SCHIP1: variants seen among roughly 807,000 people sequenced by gnomAD.
SCHIP1 encodes the protein schwannomin interacting protein 1.
In SCHIP1, 8 loss-of-function variants were observed where a neutral mutation model predicts 29.7. The observed-to-expected ratio is 0.27, with a 90% CI of 0.16 to 0.49. The LOEUF (loss-of-function observed/expected upper bound fraction) is 0.49. Ranked by LOEUF, SCHIP1 falls within the 20% of genes least tolerant of loss-of-function variation. The probability of loss-of-function intolerance (pLI) is 0.99; values close to 1 mark genes in which losing one functional copy is unlikely to be tolerated. For missense variants in SCHIP1, 193 were observed against 294.6 expected, an observed-to-expected ratio of 0.66 and a Z score of 2.52; for synonymous variants, 76 against 94.9, an observed-to-expected ratio of 0.80 and a Z score of 1.16.
chr3:159,623,500 C>T, the SCHIP1 span, among the ~76,000 whole-genome samples: 3 of 152,232 alleles, frequency 2.0e-5, no homozygotes, highest in South Asian at 4.2e-4. Context: ...GTGGCGCATG[C>T]CTGTAATCCC....
At chr3:159,712,856 G>A in the SCHIP1 span, among the ~76,000 whole-genome samples, 7 of 151,010 alleles carry the variant, frequency 4.6e-5, no homozygotes, top group Non-Finnish European at 1.0e-4. Context: ...AAGAGAGAGA[G>A]AAAGAGAGAG....
the SCHIP1 span, among the ~76,000 whole-genome samples, chr3:159,667,953 G>A: frequency 2.0e-5 from 3 of 152,114 alleles, no homozygotes; most frequent in African/African-American, 2.4e-5. Flanking sequence ...ATTGCTTTAA[G>A]GAAAAAGTTG....
At chr3:159,509,561 C>T in the SCHIP1 span, among the ~76,000 whole-genome samples, 3 of 152,130 alleles carry the variant, frequency 2.0e-5, no homozygotes, top group Admixed American at 6.5e-5. Flanking sequence ...TCTTCCTAGC[C>T]TTGATGGTCT....
At chr3:159,639,016 T>C in the SCHIP1 span, among the ~76,000 whole-genome samples, 3 of 152,154 alleles carry the variant, frequency 2.0e-5, no homozygotes, top group East Asian at 3.8e-4. Context: ...ACATAATTTA[T>C]CTATTCTTCT....
the SCHIP1 span, among the ~76,000 whole-genome samples, chr3:159,573,226 G>A: frequency 6.6e-6 from 1 of 152,100 alleles, no homozygotes; most frequent in Non-Finnish European, 1.5e-5. Context: ...TTACAATTTG[G>A]CATGTTTTTG....
chr3:159,678,718 TA>T, the SCHIP1 span, among the ~76,000 whole-genome samples: 1 of 152,206 alleles, frequency 6.6e-6, no homozygotes, highest in Non-Finnish European at 1.5e-5. Flanking sequence ...CTGAGTAATT[TA>T]TAAAGGAAAG....
Position 159,883,809 on chromosome 3 carries a change from G to A in SCHIP1, c.150-2398G>A, listed in dbSNP as rs78272376. ...GGCGATTTTCTGAATTTCTACCTGC[G>A]GCGTTTTTTGATTTTACGCAGACTA... On this transcript the variant is annotated intron_variant, in intron 2 of 6. Transcript: ENST00000445224. 6.5e-3 allele frequency among the ~76,000 whole-genome samples: 994 copies of A among 151,998 alleles called. 12 individuals are homozygous for A. Among genetic ancestry groups the A allele is most frequent in the African/African-American group, 0.023 (950 of 41,428 alleles).
At chr3:159,531,667 C>T in the SCHIP1 span, among the ~76,000 whole-genome samples, 682 of 152,298 alleles carry the variant, frequency 4.5e-3, 4 homozygotes, top group African/African-American at 0.016. Context: ...AAGTCATGCC[C>T]TGAGCTTAAG....
At chr3:159,582,026 T>A in the SCHIP1 span, among the ~76,000 whole-genome samples, 1 of 152,196 alleles carries the variant, frequency 6.6e-6, no homozygotes, top group Non-Finnish European at 1.5e-5. Context: ...GAGTTATATT[T>A]ACATAATACT....
At chr3:159,484,171 T>C in the SCHIP1 span, among the ~76,000 whole-genome samples, 1 of 152,208 alleles carries the variant, frequency 6.6e-6, no homozygotes, top group Non-Finnish European at 1.5e-5. Flanking sequence ...TTGAAAATTA[T>C]GAACATGCAT....
chr3:159,789,132 C>CAG, the SCHIP1 span, among the ~76,000 whole-genome samples: 12 of 150,550 alleles, frequency 8.0e-5, no homozygotes, highest in Middle Eastern at 3.4e-3. Context: ...TCTATATATA[C>CAG]AGAGAGAGAG....
At chr3:159,298,509 T>C in the SCHIP1 span, among the ~76,000 whole-genome samples, 1 of 152,244 alleles carries the variant, frequency 6.6e-6, no homozygotes, top group Non-Finnish European at 1.5e-5. Context: ...TTTCTTCACA[T>C]TACCAAACTT....
chr3:159,665,572 G>A, the SCHIP1 span, among the ~76,000 whole-genome samples: 1 of 151,276 alleles, frequency 6.6e-6, no homozygotes, highest in Non-Finnish European at 1.5e-5. Flanking sequence ...GTGTGTGTGT[G>A]TTTAAGGCCA....
the SCHIP1 span, among the ~76,000 whole-genome samples, chr3:159,523,014 C>G: frequency 6.6e-6 from 1 of 152,052 alleles, no homozygotes; most frequent in South Asian, 2.1e-4. Context: ...TTCCATATAC[C>G]CATTATCTGG....
the SCHIP1 span, among the ~76,000 whole-genome samples, chr3:159,323,749 A>G: frequency 1.3e-5 from 2 of 152,248 alleles, no homozygotes; most frequent in African/African-American, 4.8e-5. Flanking sequence ...TTGGCAGAGT[A>G]TCAAAGGCTG....
the SCHIP1 span, among the ~76,000 whole-genome samples, chr3:159,398,183 C>T: frequency 6.6e-6 from 1 of 152,204 alleles, no homozygotes; most frequent in Admixed American, 6.5e-5. Context: ...CCTGCTTCAG[C>T]TCACACACGG....
chr3:159,313,073 G>T, the SCHIP1 span, among the ~76,000 whole-genome samples: 1 of 152,106 alleles, frequency 6.6e-6, no homozygotes, highest in Non-Finnish European at 1.5e-5. Flanking sequence ...GTCTCTTGTA[G>T]CTCAGATTAG....
chr3:159,449,367 A>G, the SCHIP1 span, among the ~76,000 whole-genome samples: 1 of 152,166 alleles, frequency 6.6e-6, no homozygotes, highest in Admixed American at 6.5e-5. Context: ...CTTGACAAGG[A>G]ATAGCGTATT....
At chr3:159,843,205 C>T (rs1178381535) in intron 1 of SCHIP1, among the ~76,000 whole-genome samples, 6 of 151,220 alleles carry the variant, frequency 4.0e-5, no homozygotes, top group Non-Finnish European at 7.4e-5. Flanking sequence ...TAGAGACTGG[C>T]TTTCACCATG....
Sources: allele counts gnomAD v4.1 joint callset (sites outside exome capture counted in the v4.1 genomes callset), GRCh38; gene constraint gnomAD v4.1.1; transcripts MANE v1.5; gene names NCBI Gene and HGNC (gene_info 2026-07-23, HGNC 2026-07-21).